SFSWAP: variants seen among roughly 807,000 people sequenced by gnomAD.
SFSWAP encodes splicing factor, suppressor of white-apricot homolog.
In SFSWAP, 17 loss-of-function variants were observed where a neutral mutation model predicts 100.7. The ratio of observed to expected loss-of-function variants is 0.17; its 90% CI spans 0.12 to 0.25. The LOEUF (loss-of-function observed/expected upper bound fraction) is 0.25. Among genes scored for constraint, SFSWAP ranks in the 10% least tolerant of loss-of-function variants. The pLI is 1.00. For missense variants in SFSWAP, 1,005 were observed against 1,262.6 expected (o/e 0.80, Z 3.09); for synonymous variants, 504 against 510.1 (o/e 0.99, Z 0.16).
At chr12:131,786,210 G>T (rs1884875873) in intron 14 of SFSWAP, among the ~76,000 whole-genome samples, 1 of 152,188 alleles carries the variant, frequency 6.6e-6, no homozygotes, top group Non-Finnish European at 1.5e-5. Flanking sequence ...TTAAAAGTTT[G>T]TCCTTGGTGC....
At chr12:131,738,882 A>ATTTTTTTTTTTTTTTTT (rs1555243205) in intron 7 of SFSWAP, among the ~76,000 whole-genome samples, 12 of 40,202 alleles carry the variant, frequency 3.0e-4, no homozygotes, top group Non-Finnish European at 5.3e-4. Flanking sequence ...AATGAACATT[A>ATTTTTTTTTTTTTTTTT]TTCTTTTTTT....
intron 15 of SFSWAP, among the ~76,000 whole-genome samples, chr12:131,788,968 T>C (rs888635795): frequency 8.6e-5 from 13 of 151,938 alleles, no homozygotes; most frequent in Non-Finnish European, 1.5e-4. Flanking sequence ...GATTTGCTGC[T>C]TTTTTTCTTT....
chr12:131,752,148 T>C (rs1881719609), intron 7 of SFSWAP, among the ~76,000 whole-genome samples: 1 of 152,254 alleles, frequency 6.6e-6, no homozygotes. Context: ...TAGCATACAT[T>C]ACTGGAAACC....
rs1213141207 is a variant in SFSWAP at position 131,711,997 on chromosome 12, G to C, written c.218+550G>C. On this transcript the variant is annotated intron_variant, in intron 1 of 17. Coordinates refer to ENST00000261674, the MANE Select transcript of SFSWAP (RefSeq NM_004592.4). This position sits in a 1 kb window ranked among gnomAD's most constrained non-coding sequence, Gnocchi z 4.9. ...CCCCAGAGCCCTCAGTGGAGCGCCC[G>C]TACTTTGCCGGCATGACGTTTGATT... 6.6e-6 allele frequency: 1 copy of C among 152,494 alleles called. No individual in the cohort carries two copies. The highest frequency in any genetic ancestry group is 1.5e-5 in the Non-Finnish European group (1 of 68,272). The allele number at this position is 152,494 out of a possible 1,614,324, so 9.4% of individuals were successfully genotyped here. A position where few individuals can be genotyped will look rare whatever the true frequency, so the allele number is the denominator to read the frequency against.
At chr12:131,720,585 C>G (rs543471577) in intron 4 of SFSWAP, among the ~76,000 whole-genome samples, 2 of 152,314 alleles carry the variant, frequency 1.3e-5, no homozygotes, top group African/African-American at 4.8e-5. Context: ...TGTCCCACAT[C>G]CTGAATCACT....
intron 13 of SFSWAP, among the ~76,000 whole-genome samples, chr12:131,773,327 T>C (rs554765708): frequency 6.6e-6 from 1 of 152,310 alleles, no homozygotes; most frequent in African/African-American, 2.4e-5. Flanking sequence ...GATGATTTCT[T>C]AGATTCCACA....
intron 7 of SFSWAP, among the ~76,000 whole-genome samples, chr12:131,744,878 C>T (rs547983252): frequency 6.6e-6 from 1 of 152,322 alleles, no homozygotes; most frequent in East Asian, 1.9e-4. Flanking sequence ...TGGATGGCAG[C>T]AGGCAAAGAG....
chr12:131,728,063 C>T (rs952474324), intron 6 of SFSWAP, among the ~76,000 whole-genome samples: 4 of 152,184 alleles, frequency 2.6e-5, no homozygotes, highest in Non-Finnish European at 5.9e-5. Flanking sequence ...GTTCGTCTGT[C>T]CTTTTCTTGG....
intron 7 of SFSWAP, among the ~76,000 whole-genome samples, chr12:131,743,571 T>C (rs891229722): frequency 2.6e-5 from 4 of 152,240 alleles, no homozygotes; most frequent in Non-Finnish European, 5.9e-5. Context: ...CCTGTGGCTC[T>C]GCAGGGTACA....
intron 13 of SFSWAP, among the ~76,000 whole-genome samples, chr12:131,777,007 A>C (rs1035681892): frequency 1.3e-5 from 2 of 152,240 alleles, no homozygotes; most frequent in Non-Finnish European, 2.9e-5. Flanking sequence ...GTTTTAAAAC[A>C]TCAAAGGGGA....
chr12:131,711,682 C>T lies in SFSWAP; in HGVS notation c.218+235C>T. ...CCGCGTCCGTCTCCGGAGGGATCGT[C>T]TCTGGTCCCGCAGCCCCTCTCGACC... On this transcript the variant is annotated intron_variant, in intron 1 of 17. Transcript: ENST00000261674. This position sits in a 1 kb window ranked among gnomAD's most constrained non-coding sequence, Gnocchi z 4.9. 1.9e-6 allele frequency: 1 copy of T among 528,812 alleles called. No homozygotes were observed. The allele number at this position is 528,812 out of a possible 1,614,324, so 32.8% of individuals were successfully genotyped here. A position where few individuals can be genotyped will look rare whatever the true frequency, so the allele number is the denominator to read the frequency against.
chr12:131,736,891 C>T (rs1430541653), intron 7 of SFSWAP, among the ~76,000 whole-genome samples: 4 of 151,922 alleles, frequency 2.6e-5, no homozygotes, highest in Non-Finnish European at 4.4e-5. Context: ...CGTTTATTGT[C>T]GGTGGGGGTG....
chr12:131,734,744 T>C lies in SFSWAP; in HGVS notation c.1081+6316T>C, dbSNP rs1010951229. On this transcript the variant is annotated intron_variant, in intron 7 of 17. Transcript: ENST00000261674. This position sits in a 1 kb window ranked among gnomAD's most constrained non-coding sequence, Gnocchi z 4.9. ...CTGGTGCTTCCTGGGAGAAGTCACC[T>C]GCACAGGTACCTTGGATCCAACTGA... Among the ~76,000 whole-genome samples, 2 of 152,226 alleles carry C rather than the reference T, an allele frequency of 1.3e-5. No individual in the cohort carries two copies. Among genetic ancestry groups the C allele is most frequent in the African/African-American group, 2.4e-5 (1 of 41,452 alleles).
intron 7 of SFSWAP, among the ~76,000 whole-genome samples, chr12:131,738,308 C>T (rs760408926): frequency 1.1e-4 from 16 of 151,994 alleles, no homozygotes; most frequent in Middle Eastern, 3.2e-3. Flanking sequence ...AAAATGTTAC[C>T]CAGGATTCCA....
At chr12:131,727,475 A>G (rs1049193089) in intron 6 of SFSWAP, among the ~76,000 whole-genome samples, 5 of 152,116 alleles carry the variant, frequency 3.3e-5, no homozygotes, top group African/African-American at 4.8e-5. Context: ...GCGAAACCCT[A>G]TCACTACTAA....
intron 14 of SFSWAP, among the ~76,000 whole-genome samples, chr12:131,780,938 G>A (rs896821701): frequency 5.3e-5 from 8 of 152,054 alleles, no homozygotes; most frequent in African/African-American, 1.2e-4. Context: ...CAAACACAGC[G>A]GATGTGATGT....
At position 131,730,861 on chromosome 12, in the gene SFSWAP, G is replaced by A. The variant is rs985738163; in HGVS notation, c.1081+2433G>A. Among the ~76,000 whole-genome samples the A allele has an allele frequency of 1.3e-5, 2 of 152,152 alleles. No homozygotes were observed. Among genetic ancestry groups the A allele is most frequent in the African/African-American group, 2.4e-5 (1 of 41,432 alleles). On this transcript the variant is annotated intron_variant, in intron 7 of 17. Transcript: ENST00000261674. The surrounding 1 kb of genome is among the most constrained non-coding windows in gnomAD (Gnocchi z 4.0). ...CGGTGCCGTTGTTTTGAAACTCATCGTCTCCCCTCGACACAGCAAGAGTAG... is the reference window on the plus strand; with the variant it reads ...CGGTGCCGTTGTTTTGAAACTCATCATCTCCCCTCGACACAGCAAGAGTAG...
intron 7 of SFSWAP, among the ~76,000 whole-genome samples, chr12:131,750,325 C>T (rs1881507263): frequency 6.6e-6 from 1 of 152,238 alleles, no homozygotes; most frequent in Admixed American, 6.5e-5. Flanking sequence ...TGTCGGCAGA[C>T]AGAGAAGTGT....
At position 131,725,317 on chromosome 12, in the gene SFSWAP, C is replaced by T. The variant is rs1347588250; in HGVS notation, c.607-88C>T. ...GTATCTCTTAAAATTGACAGTAAAA[C>T]CAGAGTCATTTCTATGTTTTAATGA... On this transcript the variant is annotated intron_variant, in intron 4 of 17. Coordinates refer to ENST00000261674, the MANE Select transcript of SFSWAP (RefSeq NM_004592.4). The surrounding 1 kb of genome is among the most constrained non-coding windows in gnomAD (Gnocchi z 4.3). The T allele has an allele frequency of 8.9e-6, 10 of 1,125,922 alleles. No homozygotes were observed. The Admixed American group carries it at 1.6e-4, about 18-fold the overall frequency. 69.7% of individuals were successfully genotyped at this position (1,125,922 alleles called of 1,614,324 possible).
Sources: gnomAD v4.1 joint callset for allele counts (sites outside exome capture counted in the v4.1 genomes callset) on GRCh38, gnomAD v4.1.1 for gene constraint, Gnocchi (gnomAD v3.1) non-coding constraint, MANE v1.5 for transcripts, NCBI Gene and HGNC (gene_info 2026-07-23, HGNC 2026-07-21) for gene names.